Variants in SIRT4 observed in about 807,000 individuals in gnomAD.
SIRT4 encodes NAD-dependent protein lipoamidase sirtuin-4, mitochondrial.
A neutral mutation model predicts 26.1 loss-of-function variants in SIRT4; 23 were observed. The ratio of observed to expected loss-of-function variants is 0.88; its 90% CI spans 0.63 to 1.25. The LOEUF is 1.25. Among genes scored for constraint, SIRT4 ranks in the 50% most tolerant of loss-of-function variants. SIRT4 has a pLI of 0.00. For missense variants in SIRT4, 361 were observed against 405.4 expected, an observed-to-expected ratio of 0.89 and a Z score of 0.94; for synonymous variants, 155 against 158.4, an observed-to-expected ratio of 0.98 and a Z score of 0.16.
At chr12:120,310,239 G>C (rs903104077) in intron 2 of SIRT4, among the ~76,000 whole-genome samples, 2 of 151,980 alleles carry the variant, frequency 1.3e-5, no homozygotes, top group Non-Finnish European at 2.9e-5. Flanking sequence ...GGTGGCAGGC[G>C]CCTGTAATCC....
At chr12:120,307,584 G>T (rs1250330187) in intron 2 of SIRT4, among the ~76,000 whole-genome samples, 3 of 152,204 alleles carry the variant, frequency 2.0e-5, no homozygotes, top group African/African-American at 7.2e-5. Context: ...AATTGGCCGG[G>T]CACGGTGGCT....
At chr12:120,297,577 A>C (rs1872378496), upstream of SIRT4, among the ~76,000 whole-genome samples, 1 of 152,062 alleles carries the variant, frequency 6.6e-6, no homozygotes, top group South Asian at 2.1e-4. Flanking sequence ...CAAAACAAAA[A>C]AGACTTGGAT....
At chr12:120,294,737 C>T in the SIRT4 span, among the ~76,000 whole-genome samples, 3 of 151,724 alleles carry the variant, frequency 2.0e-5, no homozygotes, top group African/African-American at 4.8e-5. Context: ...AGGCTGGTCT[C>T]GAACTCCTGG....
chr12:120,292,307 T>C, the SIRT4 span, among the ~76,000 whole-genome samples: 1 of 152,104 alleles, frequency 6.6e-6, no homozygotes, highest in Non-Finnish European at 1.5e-5. Context: ...TGACAAAATC[T>C]GAATGGAGAA....
chr12:120,302,562 CTGTTCACGTTTTGCT>C (rs1872584243), intron 1 of SIRT4, among the ~76,000 whole-genome samples, 184 bp downstream of exon 1: 1 of 152,100 alleles, frequency 6.6e-6, no homozygotes, highest in East Asian at 1.9e-4. Context: ...GTTTGTTCAG[CTGTTCACGTTTTGCT>C]GTGGAATGTC....
upstream of SIRT4, among the ~76,000 whole-genome samples, chr12:120,301,381 AAACT>A (rs959117008): frequency 1.5e-4 from 22 of 144,348 alleles, no homozygotes; most frequent in South Asian, 2.3e-4. Context: ...CAACAACAAC[AAACT>A]ATCACTTTTT....
chr12:120,304,402 C>T (rs979507878), intron 2 of SIRT4, among the ~76,000 whole-genome samples: 1 of 152,150 alleles, frequency 6.6e-6, no homozygotes, highest in African/African-American at 2.4e-5. Context: ...GTAATCCCAG[C>T]ATTTTGGGAG....
At chr12:120,292,259 G>C in the SIRT4 span, among the ~76,000 whole-genome samples, 6 of 152,200 alleles carry the variant, frequency 3.9e-5, no homozygotes, top group African/African-American at 1.4e-4. Flanking sequence ...GGAAACAGCA[G>C]GGTGGGGGGA....
At chr12:120,292,873 C>CT in the SIRT4 span, among the ~76,000 whole-genome samples, 1 of 152,172 alleles carries the variant, frequency 6.6e-6, no homozygotes, top group Admixed American at 6.6e-5. Flanking sequence ...CACCGCCCTG[C>CT]TTTTACCTTA....
intron 2 of SIRT4, among the ~76,000 whole-genome samples, chr12:120,311,107 C>G (rs756908936): frequency 6.7e-6 from 1 of 149,272 alleles, no homozygotes; most frequent in Admixed American, 6.7e-5. Context: ...GCCTGTAATC[C>G]CAGCATTTTG....
chr12:120,292,483 A>T, the SIRT4 span, among the ~76,000 whole-genome samples: 1 of 152,160 alleles, frequency 6.6e-6, no homozygotes. Flanking sequence ...AGGCGCCTGT[A>T]ATCCCAGCTA....
the SIRT4 span, among the ~76,000 whole-genome samples, chr12:120,296,384 AT>A: frequency 2.0e-5 from 3 of 151,432 alleles, no homozygotes; most frequent in Non-Finnish European, 4.4e-5. Flanking sequence ...CGGCCGGCTA[AT>A]TTTTTCTATT....
At chr12:120,297,095 C>T in the SIRT4 span, among the ~76,000 whole-genome samples, 11 of 151,730 alleles carry the variant, frequency 7.2e-5, no homozygotes, top group Admixed American at 2.6e-4. Flanking sequence ...TGGTGGCGGG[C>T]GCCTATAATC....
chr12:120,300,818 A>C (rs1872514725), upstream of SIRT4, among the ~76,000 whole-genome samples: 4 of 152,144 alleles, frequency 2.6e-5, no homozygotes, highest in South Asian at 8.3e-4. Context: ...GCCCACCTTT[A>C]TGTCCAAAGA....
intron 2 of SIRT4, among the ~76,000 whole-genome samples, chr12:120,304,889 C>T (rs1170945124): frequency 1.3e-4 from 18 of 143,200 alleles, no homozygotes; most frequent in African/African-American, 4.7e-4. Context: ...TGTGGTGGCT[C>T]ACGCCTGTAA....
chr12:120,296,113 A>AG, the SIRT4 span, among the ~76,000 whole-genome samples: 15 of 149,962 alleles, frequency 1.0e-4, no homozygotes, highest in East Asian at 2.4e-3. Flanking sequence ...AAAAAAAAAA[A>AG]GAAAGTAACA....
chr12:120,296,080 C>T, the SIRT4 span, among the ~76,000 whole-genome samples: 3 of 93,870 alleles, frequency 3.2e-5, no homozygotes, highest in Admixed American at 4.1e-4. Flanking sequence ...AAGCGAGACT[C>T]CGTCTCAAAA....
intron 2 of SIRT4, among the ~76,000 whole-genome samples, chr12:120,307,415 G>T (rs1872782715): frequency 6.6e-6 from 1 of 152,048 alleles, no homozygotes; most frequent in Non-Finnish European, 1.5e-5. Context: ...CATGAACATG[G>T]GTGGCAGAGG....
chr12:120,313,060 T>C lies in SIRT4; in HGVS notation c.*24T>C. Reference sequence around the variant, plus strand: ...GACCACAGCCTGATATTCCAGAACCTGGAACAGGGACTTTCACTTGAATCT... The same window carrying C: ...GACCACAGCCTGATATTCCAGAACCCGGAACAGGGACTTTCACTTGAATCT... On this transcript the variant is annotated 3_prime_UTR_variant, in exon 4 of 4. Coordinates refer to ENST00000202967, the MANE Select transcript of SIRT4 (RefSeq NM_012240.3). 1 of 1,613,414 alleles carries C rather than the reference T, an allele frequency of 6.2e-7. No homozygotes were observed.
Sources: allele counts gnomAD v4.1 joint callset (sites outside exome capture counted in the v4.1 genomes callset), GRCh38; gene constraint gnomAD v4.1.1; transcripts MANE v1.5; gene names NCBI Gene and HGNC (gene_info 2026-07-23, HGNC 2026-07-21).